LRMDA: variants seen among roughly 807,000 people sequenced by gnomAD.
LRMDA encodes the protein leucine-rich melanocyte differentiation-associated protein.
A neutral mutation model predicts 29.8 loss-of-function variants in LRMDA; 18 were observed. The observed-to-expected ratio is 0.60, with a 90% CI of 0.42 to 0.90. The LOEUF (loss-of-function observed/expected upper bound fraction) is 0.90. Ranked by LOEUF, LRMDA falls within the 40% of genes least tolerant of loss-of-function variation. The pLI is 0.00. For missense variants in LRMDA, 273 were observed against 273.9 expected (o/e 1.00, Z 0.02); for synonymous variants, 125 against 109.4 (o/e 1.14, Z -0.89).
Position 75,438,374 on chromosome 10 carries a change from C to T in LRMDA, c.31-20C>T. ...GTGATTTCCATTTGCCACATTGTTT[C>T]TGTTCCATTTAATTTCCAGGTGTCC... On this transcript the variant is annotated intron_variant, in intron 1 of 6. Coordinates refer to ENST00000611255, the MANE Select transcript of LRMDA (RefSeq NM_001305581.2). 6.5e-7 allele frequency: 1 copy of T among 1,536,694 alleles called. No individual in the cohort carries two copies. Among genetic ancestry groups the T allele is most frequent in the Non-Finnish European group, 8.8e-7 (1 of 1,134,046 alleles).
At position 76,022,756 on chromosome 10, in the gene LRMDA, G is replaced by A. The variant is rs1847995907; in HGVS notation, c.132-13252G>A. On this transcript the variant is annotated intron_variant, in intron 2 of 6. Transcript: ENST00000611255. The stretch of plus-strand genomic sequence containing the variant: ...TTTTATTCATCCTAGGCCTGGCTAG[G>A]GGATGCTCAATAAATATTTGCTGTA... Among the ~76,000 whole-genome samples the A allele has an allele frequency of 3.9e-5, 6 of 151,912 alleles. No individual in the cohort carries two copies. In the South Asian group the frequency reaches 1.2e-3, roughly 31 times the overall value.
At chr10:75,934,087 C>G (rs907683064) in intron 2 of LRMDA, among the ~76,000 whole-genome samples, 43 of 152,244 alleles carry the variant, frequency 2.8e-4, no homozygotes, top group Admixed American at 2.5e-3. Context: ...CAATAGTAGT[C>G]CTTCATTTCT....
chr10:76,519,218 G>A (rs1005127397), intron 6 of LRMDA, among the ~76,000 whole-genome samples: 21 of 151,882 alleles, frequency 1.4e-4, no homozygotes, highest in African/African-American at 5.1e-4. Flanking sequence ...GAAACACATG[G>A]CTCATAAAAA....
At chr10:75,448,061 C>G (rs1019566752) in intron 2 of LRMDA, among the ~76,000 whole-genome samples, 1 of 152,114 alleles carries the variant, frequency 6.6e-6, no homozygotes, top group Non-Finnish European at 1.5e-5. Context: ...AAGACTGGCC[C>G]AGGAGGTGGT....
Position 76,157,972 on chromosome 10 carries a change from T to C in LRMDA, c.516+99189T>C, listed in dbSNP as rs1170328986. Among the ~76,000 whole-genome samples the C allele has an allele frequency of 9.9e-5, 13 of 131,126 alleles. No homozygotes were observed. In the Admixed American group the frequency reaches 1.1e-3, roughly 11 times the overall value. The allele number at this position is 131,126 out of a possible 152,430, so 86.0% of individuals were successfully genotyped here. Reference sequence around the variant, plus strand: ...TGTAACACAATGGTAAGTATTTGTGTATCTAAACAAAAAAAAAGTTACAGT... The same window carrying C: ...TGTAACACAATGGTAAGTATTTGTGCATCTAAACAAAAAAAAAGTTACAGT... On this transcript the variant is annotated intron_variant, in intron 5 of 6. Coordinates refer to ENST00000611255, the MANE Select transcript of LRMDA (RefSeq NM_001305581.2).
chr10:75,438,000 TG>T (rs956112498), intron 1 of LRMDA, among the ~76,000 whole-genome samples: 9 of 152,268 alleles, frequency 5.9e-5, no homozygotes, highest in Admixed American at 5.9e-4. Context: ...ACCAGGGTAC[TG>T]GAGGGCAGTG....
chr10:75,455,270 C>G (rs1044382751), intron 2 of LRMDA, among the ~76,000 whole-genome samples: 3 of 152,226 alleles, frequency 2.0e-5, no homozygotes, highest in African/African-American at 7.2e-5. Context: ...ACCACTGTCC[C>G]TTGCAGGTCT....
chr10:76,531,407 A>G (rs1843232608), intron 6 of LRMDA, among the ~76,000 whole-genome samples: 1 of 152,188 alleles, frequency 6.6e-6, no homozygotes, highest in African/African-American at 2.4e-5. Flanking sequence ...GATACTAAAT[A>G]TGATGTTAGC....
chr10:75,459,180 C>A (rs893099073), intron 2 of LRMDA, among the ~76,000 whole-genome samples: 1 of 152,124 alleles, frequency 6.6e-6, no homozygotes, highest in Non-Finnish European at 1.5e-5. Flanking sequence ...GTAGTTCATG[C>A]CTGTAATTCC....
chr10:76,095,090 AAC>A (rs1325446172), intron 5 of LRMDA, among the ~76,000 whole-genome samples: 1 of 152,246 alleles, frequency 6.6e-6, no homozygotes, highest in Admixed American at 6.5e-5. Context: ...CAAGATAATG[AAC>A]AGTTACCTTT....
At chr10:76,435,290 T>C (rs2132286667) in intron 6 of LRMDA, among the ~76,000 whole-genome samples, 1 of 152,304 alleles carries the variant, frequency 6.6e-6, no homozygotes, top group Admixed American at 6.5e-5. Flanking sequence ...AACTATAACT[T>C]GGCCTTGCCA....
chr10:76,455,937 A>G (rs1439567605), intron 6 of LRMDA, among the ~76,000 whole-genome samples: 1 of 152,146 alleles, frequency 6.6e-6, no homozygotes, highest in Non-Finnish European at 1.5e-5. Context: ...ATCAACTTGT[A>G]TAGGCCCAGT....
At chr10:76,307,667 C>A (rs900717686) in intron 5 of LRMDA, among the ~76,000 whole-genome samples, 2 of 152,152 alleles carry the variant, frequency 1.3e-5, no homozygotes, top group African/African-American at 4.8e-5. Flanking sequence ...TAACCCAAAG[C>A]AGGCCACGGA....
chr10:76,476,972 T>C (rs1315304749), intron 6 of LRMDA, among the ~76,000 whole-genome samples: 5 of 152,112 alleles, frequency 3.3e-5, no homozygotes, highest in Admixed American at 6.6e-5. Context: ...CTGGAAGCAT[T>C]CCCTTTGAAA....
At chr10:76,341,479 C>A (rs1285045711) in intron 6 of LRMDA, among the ~76,000 whole-genome samples, 3 of 152,162 alleles carry the variant, frequency 2.0e-5, no homozygotes, top group Admixed American at 2.0e-4. Flanking sequence ...ATAGGATATG[C>A]TTCTTTTCAA....
intron 2 of LRMDA, among the ~76,000 whole-genome samples, chr10:75,772,682 T>G (rs1197243733): frequency 6.6e-6 from 1 of 152,086 alleles, no homozygotes; most frequent in Non-Finnish European, 1.5e-5. Flanking sequence ...CCTATTAAAA[T>G]GTAAGTACCT....
intron 6 of LRMDA, among the ~76,000 whole-genome samples, chr10:76,513,339 G>T (rs921465977): frequency 1.3e-5 from 2 of 152,046 alleles, no homozygotes; most frequent in Admixed American, 6.6e-5. Context: ...TATATTTTTA[G>T]TACATTTTAG....
intron 2 of LRMDA, among the ~76,000 whole-genome samples, chr10:75,730,511 T>C (rs1842683861): frequency 1.3e-5 from 2 of 152,182 alleles, no homozygotes; most frequent in Admixed American, 1.3e-4. Context: ...GAGCGCGTCA[T>C]ATGAGACCAG....
intron 2 of LRMDA, among the ~76,000 whole-genome samples, chr10:75,602,669 T>C (rs1034455420): frequency 6.6e-6 from 1 of 152,184 alleles, no homozygotes; most frequent in African/African-American, 2.4e-5. Flanking sequence ...ATGACTTTCA[T>C]GTGTTTTCCT....
Sources: gnomAD v4.1 joint callset for allele counts (sites outside exome capture counted in the v4.1 genomes callset) on GRCh38, gnomAD v4.1.1 for gene constraint, MANE v1.5 for transcripts, NCBI Gene and HGNC (gene_info 2026-07-23, HGNC 2026-07-21) for gene names.